GM2A: variants seen among roughly 807,000 people sequenced by gnomAD.
GM2A encodes the protein GM2 ganglioside activator.
Under a neutral mutation model 12.9 loss-of-function variants are expected in GM2A, and 7 were observed. The observed-to-expected ratio is 0.54, with a 90% CI of 0.31 to 1.02. The LOEUF (loss-of-function observed/expected upper bound fraction) is 1.02, where lower values mean the gene tolerates loss of function less well. GM2A is among the 50% of genes least tolerant of loss of function. The pLI is 0.05. For missense variants in GM2A, 246 were observed against 241.0 expected, an observed-to-expected ratio of 1.02 and a Z score of -0.14; for synonymous variants, 101 against 96.0, an observed-to-expected ratio of 1.05 and a Z score of -0.30.
At chr5:151,258,126 G>A (rs1753726424) in intron 1 of GM2A, among the ~76,000 whole-genome samples, 1 of 152,212 alleles carries the variant, frequency 6.6e-6, no homozygotes, top group South Asian at 2.1e-4. Context: ...TCTTAGTCAT[G>A]ACATGACCTT....
intron 2 of GM2A, among the ~76,000 whole-genome samples, chr5:151,265,698 A>G (rs1317464331): frequency 6.6e-6 from 1 of 152,172 alleles, no homozygotes; most frequent in Non-Finnish European, 1.5e-5. Flanking sequence ...AATTTGGGCC[A>G]CTTCCTCCTG....
Position 151,259,889 on chromosome 5 carries a change from C to T in GM2A, c.216C>T (p.Thr72=). ...TGACCCTCAGTGTCATGGGCAGCAC[C>T]AGTGTCCCCCTGAGTTCTCCTCTGA... The part of the protein sequence containing the change: ...GNVTLSVMGS[T]SVPLSSPLKV... Residue 72 remains threonine, a synonymous_variant, in exon 2 of 4, where the codon ACC becomes ACT. Coordinates refer to ENST00000357164, the MANE Select transcript of GM2A (RefSeq NM_000405.5). The T allele has an allele frequency of 6.2e-7, 1 of 1,613,700 alleles. No individual in the cohort carries two copies. Among genetic ancestry groups the T allele is most frequent in the Non-Finnish European group, 8.5e-7 (1 of 1,179,670 alleles).
At chr5:151,256,596 ACT>A (rs1171968039) in intron 1 of GM2A, among the ~76,000 whole-genome samples, 15 of 132,068 alleles carry the variant, frequency 1.1e-4, no homozygotes, top group Admixed American at 1.8e-4. Flanking sequence ...ACAGAGTGAG[ACT>A]CTGTCTCAAG....
Position 151,267,843 on chromosome 5 carries a change from G to A in GM2A, c.*392G>A. The A allele has an allele frequency of 8.5e-7, 1 of 1,171,642 alleles. No homozygotes were observed. The highest frequency in any genetic ancestry group is 1.6e-5 in the African/African-American group (1 of 62,274). The allele number at this position is 1,171,642 out of a possible 1,614,324, so 72.6% of individuals were successfully genotyped here. ...TTTTTTTTTTGTCACTAAGTTAAAA[G>A]CGAAGTGAGAGTATTAACGTTTTTG... On this transcript the variant is annotated 3_prime_UTR_variant, in exon 4 of 4. Transcript: ENST00000357164.
rs138851837 is a variant in GM2A at position 151,262,686 on chromosome 5, T to A, written c.243+2770T>A. Among the ~76,000 whole-genome samples, 64 of 152,346 alleles carry A rather than the reference T, an allele frequency of 4.2e-4. No individual in the cohort carries two copies. The East Asian group carries it at 9.3e-3, about 22-fold the overall frequency. The stretch of plus-strand genomic sequence containing the variant: ...GTACCCTTGGATCTGGGCCAAGGGA[T>A]GGAATCATTCCCTATGTATGGACAC... On this transcript the variant is annotated intron_variant, in intron 2 of 3. Transcript: ENST00000357164.
chr5:151,253,791 C>A (rs566023670), intron 1 of GM2A, among the ~76,000 whole-genome samples: 37 of 152,132 alleles, frequency 2.4e-4, no homozygotes, highest in Non-Finnish European at 4.6e-4. Flanking sequence ...GGCCTGTGAC[C>A]CCGCTGCCCT....
chr5:151,256,393 G>A (rs193247598), intron 1 of GM2A, among the ~76,000 whole-genome samples: 3 of 152,190 alleles, frequency 2.0e-5, no homozygotes, highest in African/African-American at 7.2e-5. Context: ...GAGGCCAGGA[G>A]TTTGAGACCA....
chr5:151,259,962 C>G, intron 2 of GM2A, 46 bp downstream of exon 2: 1 of 1,504,500 alleles, frequency 6.6e-7, no homozygotes. Context: ...AGGGTCTGGC[C>G]AGCAGGGGTA....
intron 2 of GM2A, among the ~76,000 whole-genome samples, chr5:151,262,215 G>C (rs1291626920): frequency 6.6e-6 from 1 of 152,092 alleles, no homozygotes. Context: ...ATTTAATATG[G>C]TCCTTTCCTC....
intron 2 of GM2A, among the ~76,000 whole-genome samples, chr5:151,265,319 G>A (rs555301922): frequency 6.6e-6 from 1 of 152,324 alleles, no homozygotes; most frequent in African/African-American, 2.4e-5. Context: ...GGGGCATCTG[G>A]AAGACTTGAG....
Position 151,267,305 on chromosome 5 carries a change from T to A in GM2A, c.436T>A (p.Ser146Thr). Residue 146 changes from serine (S) to threonine (T), a missense_variant, in exon 4 of 4, where the codon TCA becomes ACA. Ser to Thr is a moderately conservative substitution (Grantham distance 58). Transcript: ENST00000357164. Reference sequence around the variant, plus strand: ...ACTGGCTTTCCCGCAGGGAACCTACTCACTGCCCAAGAGCGAATTCGTTGT... The same window carrying A: ...ACTGGCTTTCCCGCAGGGAACCTACACACTGCCCAAGAGCGAATTCGTTGT... ...CHCPFKEGTY[S>T]LPKSEFVVPD... is the part of the protein sequence containing the mutation. The A allele has an allele frequency of 6.2e-7, 1 of 1,614,174 alleles. No individual in the cohort carries two copies. Among genetic ancestry groups the A allele is most frequent in the Non-Finnish European group, 8.5e-7 (1 of 1,179,986 alleles).
chr5:151,261,683 C>G (rs1753802041), intron 2 of GM2A, among the ~76,000 whole-genome samples: 1 of 152,214 alleles, frequency 6.6e-6, no homozygotes, highest in Admixed American at 6.5e-5. Flanking sequence ...AGGCAATGTG[C>G]CTGCCTCGGC....
At position 151,268,313 on chromosome 5, in the gene GM2A, C is replaced by G. The variant is rs781320720; in HGVS notation, c.*862C>G. The stretch of plus-strand genomic sequence containing the variant: ...TTGGACTACAGGCCCTGCCACCACG[C>G]CCGGCTAATTTGTGTATTTTTAGTA... On this transcript the variant is annotated 3_prime_UTR_variant, in exon 4 of 4. Coordinates refer to ENST00000357164, the MANE Select transcript of GM2A (RefSeq NM_000405.5). 7.6e-6 allele frequency: 3 copies of G among 394,408 alleles called. No individual in the cohort carries two copies. The highest frequency in any genetic ancestry group is 6.4e-5 in the Admixed American group (1 of 15,528). 24.4% of individuals were successfully genotyped at this position (394,408 alleles called of 1,614,324 possible).
chr5:151,264,188 C>T (rs1307367354), intron 2 of GM2A, among the ~76,000 whole-genome samples: 1 of 152,246 alleles, frequency 6.6e-6, no homozygotes, highest in Non-Finnish European at 1.5e-5. Context: ...AAGTCATATA[C>T]ATGCCTGGGC....
In GM2A at chr5:151,266,781, A is replaced by T. The variant is rs765404263; in HGVS notation, c.294A>T (p.Pro98=). The T allele has an allele frequency of 1.9e-6, 3 of 1,613,764 alleles. No homozygotes were observed. The highest frequency in any genetic ancestry group is 2.7e-5 in the African/African-American group (2 of 74,910). ...TGGCTGGCCTCTGGATCAAGATCCC[A>T]TGCACAGACTACATTGGCAGCTGTA... ...KEVAGLWIKI[P]CTDYIGSCTF... Residue 98 remains proline, a synonymous_variant, in exon 3 of 4, where the codon CCA becomes CCT. Transcript: ENST00000357164.
chr5:151,257,390 C>T (rs78736113), intron 1 of GM2A, among the ~76,000 whole-genome samples: 34 of 152,128 alleles, frequency 2.2e-4, no homozygotes, highest in East Asian at 1.7e-3. Flanking sequence ...GATTCTTCTC[C>T]GGTAGGTACT....
intron 2 of GM2A, among the ~76,000 whole-genome samples, chr5:151,261,484 G>C (rs996440395): frequency 1.3e-5 from 2 of 152,206 alleles, no homozygotes; most frequent in African/African-American, 4.8e-5. Flanking sequence ...TGTTGCCTAG[G>C]CTGGAGTGCA....
chr5:151,266,976 G>C, intron 3 of GM2A, 63 bp downstream of exon 3: 1 of 1,301,440 alleles, frequency 7.7e-7, no homozygotes, highest in Non-Finnish European at 1.1e-6. Flanking sequence ...TTGGAGAGAA[G>C]GGTCTTTGCA....
At chr5:151,256,608 G>GAAAAAAAAAAAAAAAAAAAAAA (rs60009533) in intron 1 of GM2A, among the ~76,000 whole-genome samples, 1 of 121,654 alleles carries the variant, frequency 8.2e-6, no homozygotes. Context: ...TCTGTCTCAA[G>GAAAAAAAAAAAAAAAAAAAAAA]AAAAAAAAAA....
Sources: allele counts gnomAD v4.1 joint callset (sites outside exome capture counted in the v4.1 genomes callset), GRCh38; gene constraint gnomAD v4.1.1; transcripts MANE v1.5; gene names NCBI Gene and HGNC (gene_info 2026-07-23, HGNC 2026-07-21).